RGS3: variants seen among roughly 807,000 people sequenced by gnomAD.
RGS3 encodes the protein regulator of G-protein signalling 3.
A neutral mutation model predicts 132.6 loss-of-function variants in RGS3; 80 were observed. The ratio of observed to expected loss-of-function variants is 0.60; its 90% confidence interval spans 0.50 to 0.73. RGS3 has a LOEUF of 0.73. RGS3 is among the 30% of genes least tolerant of loss of function. The probability of loss-of-function intolerance (pLI) is 0.00; values close to 1 mark genes in which losing one functional copy is unlikely to be tolerated. For missense variants in RGS3, 1,382 were observed against 1,530.8 expected, an observed-to-expected ratio of 0.90 and a Z score of 1.62; for synonymous variants, 598 against 620.6, an observed-to-expected ratio of 0.96 and a Z score of 0.54.
intron 10 of RGS3, among the ~76,000 whole-genome samples, chr9:113,502,869 CTG>C (rs1391183429): frequency 6.6e-6 from 1 of 152,246 alleles, no homozygotes; most frequent in African/African-American, 2.4e-5. Context: ...GAGCAAGTCA[CTG>C]TTCCTCTCTG....
chr9:113,595,814 T>C (rs1288010412), intron 24 of RGS3, 49 bp downstream of exon 22: 2 of 1,569,468 alleles, frequency 1.3e-6, no homozygotes, highest in Admixed American at 3.4e-5. Flanking sequence ...CAGGGCCCAG[T>C]GGCCCTTCAG....
rs778369053 is a variant in RGS3 at position 113,517,552 on chromosome 9, C to T, written c.1686C>T (p.Leu562=). 3 of 1,613,292 alleles carry T rather than the reference C, an allele frequency of 1.9e-6. No individual in the cohort carries two copies. The African/African-American group carries it at 4.0e-5, about 22-fold the overall frequency. The change falls in exon 16 of 25, where the codon CTC becomes CTT. Residue 562 remains leucine, a synonymous_variant. Transcript: ENST00000350696. ...TGCTTTATTTCCAGCCTCTAGATCT[C>T]TGTAATCCTGCCCGGACCCTCCTGC...
intron 6 of RGS3, among the ~76,000 whole-genome samples, 180 bp downstream of exon 4, chr9:113,484,412 T>C (rs72761904): frequency 0.088 from 13,292 of 151,502 alleles, 672 homozygotes; most frequent in Non-Finnish European, 0.097. Context: ...ACTTGTGTCC[T>C]TGCATCCCTG....
chr9:113,485,208 C>A (rs536903266), intron 6 of RGS3, among the ~76,000 whole-genome samples: 2 of 152,258 alleles, frequency 1.3e-5, no homozygotes, highest in South Asian at 4.1e-4. Flanking sequence ...CTGCCTCAGC[C>A]TCTGGAGTAG....
chr9:113,503,019 C>T (rs1390986595), intron 10 of RGS3, among the ~76,000 whole-genome samples: 1 of 152,114 alleles, frequency 6.6e-6, no homozygotes, highest in Non-Finnish European at 1.5e-5. Context: ...TAATACATGG[C>T]AGAATTTGGG....
chr9:113,471,156 C>T (rs1253020659), intron 3 of RGS3, among the ~76,000 whole-genome samples: 1 of 152,014 alleles, frequency 6.6e-6, no homozygotes, highest in Non-Finnish European at 1.5e-5. Flanking sequence ...GCTGTAGTCC[C>T]TGGAGTAGCT....
intron 19 of RGS3, chr9:113,581,335 C>A (rs572190370): frequency 9.2e-5 from 14 of 152,304 alleles, no homozygotes; most frequent in African/African-American, 3.4e-4. Flanking sequence ...TCTTTCTGTC[C>A]ACCTGGGAAC....
chr9:113,466,890 T>C (rs941316206), intron 3 of RGS3, among the ~76,000 whole-genome samples: 2 of 152,208 alleles, frequency 1.3e-5, no homozygotes, highest in African/African-American at 4.8e-5. Context: ...TCCTCCCTTG[T>C]CCCGAGCCCA....
intron 7 of RGS3, among the ~76,000 whole-genome samples, chr9:113,490,704 T>TATATAAAATATAATATATTATTATAAA (rs1830481594): frequency 7.0e-6 from 1 of 143,190 alleles, no homozygotes; most frequent in African/African-American, 2.5e-5. Flanking sequence ...TATATTATAT[T>TATATAAAATATAATATATTATTATAAA]TTATATTGGT....
chr9:113,594,406 C>A (rs769492791), intron 21 of RGS3, 24 bp from the exon 20 acceptor site: 3 of 1,612,066 alleles, frequency 1.9e-6, no homozygotes, highest in Non-Finnish European at 1.7e-6. Flanking sequence ...GCTGAGCAAC[C>A]CTCTTTTCTG....
At chr9:113,534,995 TA>T (rs750524652) in intron 18 of RGS3, among the ~76,000 whole-genome samples, 1 of 152,192 alleles carries the variant, frequency 6.6e-6, no homozygotes, top group Non-Finnish European at 1.5e-5. Flanking sequence ...GAGGGCTGTA[TA>T]TTATTTCTTT....
chr9:113,530,966 C>T (rs757861953), intron 18 of RGS3, among the ~76,000 whole-genome samples: 43 of 152,212 alleles, frequency 2.8e-4, no homozygotes, highest in Admixed American at 1.4e-3. Flanking sequence ...GTTGGAACTT[C>T]TGACAAGTGA....
intron 18 of RGS3, among the ~76,000 whole-genome samples, chr9:113,535,523 T>G (rs1832643441): frequency 6.6e-6 from 1 of 152,190 alleles, no homozygotes; most frequent in South Asian, 2.1e-4. Flanking sequence ...TAGTGACTGT[T>G]TGTTGAGGCC....
At chr9:113,578,998 T>C (rs908429529) in intron 19 of RGS3, among the ~76,000 whole-genome samples, 2 of 152,172 alleles carry the variant, frequency 1.3e-5, no homozygotes, top group African/African-American at 2.4e-5. Flanking sequence ...CCAGGTCTTC[T>C]GGCTGCATGT....
chr9:113,475,240 A>C (rs1399720758), intron 3 of RGS3, among the ~76,000 whole-genome samples: 1 of 152,068 alleles, frequency 6.6e-6, no homozygotes, highest in Non-Finnish European at 1.5e-5. Flanking sequence ...TTGGTGCCCA[A>C]CTGCGATCTC....
At chr9:113,545,423 C>T (rs896839114) in intron 19 of RGS3, among the ~76,000 whole-genome samples, 1 of 152,202 alleles carries the variant, frequency 6.6e-6, no homozygotes, top group Non-Finnish European at 1.5e-5. Context: ...TCAGCCATCT[C>T]CCCTAAGAGA....
upstream of RGS3, among the ~76,000 whole-genome samples, chr9:113,458,502 T>C (rs1588129164): frequency 6.6e-6 from 1 of 152,238 alleles, no homozygotes; most frequent in East Asian, 1.9e-4. Context: ...TTAGTATTTT[T>C]ACATTTATAT....
intron 3 of RGS3, among the ~76,000 whole-genome samples, chr9:113,476,801 T>C (rs1294754160): frequency 6.6e-6 from 1 of 152,232 alleles, no homozygotes; most frequent in African/African-American, 2.4e-5. Flanking sequence ...AGTGACCATT[T>C]GTGTCTGGAG....
At chr9:113,513,652 A>C (rs1313400723) in intron 14 of RGS3, among the ~76,000 whole-genome samples, 2 of 152,228 alleles carry the variant, frequency 1.3e-5, no homozygotes, top group Non-Finnish European at 2.9e-5. Flanking sequence ...CAGTTGAGGA[A>C]ATCAAGACTC....
Sources: gnomAD v4.1 joint callset for allele counts (sites outside exome capture counted in the v4.1 genomes callset) on GRCh38, gnomAD v4.1.1 for gene constraint, MANE v1.5 for transcripts, NCBI Gene and HGNC (gene_info 2026-07-23, HGNC 2026-07-21) for gene names.